TTN: variants seen among roughly 807,000 people sequenced by gnomAD.
TTN encodes the protein connectin.
In TTN, 1,525 loss-of-function variants were observed where a neutral mutation model predicts 3,223.0. The ratio of observed to expected loss-of-function variants is 0.47; its 90% CI spans 0.45 to 0.49. TTN has a LOEUF of 0.49. Among genes scored for constraint, TTN ranks in the 20% least tolerant of loss-of-function variants. The pLI, the probability that TTN is intolerant of heterozygous loss-of-function variation, is 0.00. For synonymous variants in TTN, 14,094 were observed against 15,161.0 expected, an observed-to-expected ratio of 0.93 and a Z score of 5.17; for missense variants, 40,786 against 43,424.0, an observed-to-expected ratio of 0.94 and a Z score of 5.40.
rs370342796 is a variant in TTN, at chr2:178,550,045, G to C, written c.91793C>G (p.Thr30598Arg). Reference protein sequence around the residue: ...DATRDHRGVYTVEAKNASGSA... With the variant: ...DATRDHRGVYRVEAKNASGSA... The stretch of plus-strand genomic sequence containing the variant: ...ACCAGATGCATTTTTGGCTTCCACT[G>C]TGTATACACCACGATGGTCCCGAGT... The change falls in exon 337 of 363, where the codon ACA (threonine) becomes AGA (arginine). Residue 30598 changes from threonine (T) to arginine (R), a missense_variant. By Grantham distance (71) the Thr-to-Arg change is moderately conservative. Coordinates refer to ENST00000589042, the MANE Select transcript of TTN (RefSeq NM_001267550.2). 3.1e-6 allele frequency: 5 copies of C among 1,613,684 alleles called. No homozygotes were observed. Among genetic ancestry groups the C allele is most frequent in the Non-Finnish European group, 4.2e-6 (5 of 1,179,716 alleles).
At position 178,733,925 on chromosome 2, in the gene TTN, C is replaced by A. The variant is rs1450713007; in HGVS notation, c.15497-33G>T. ...AGGAAAGAGAGCATATAAAACATAT[C>A]AATTCCCAAACACTTTCAACACCAT... On this transcript the variant is annotated intron_variant, in intron 52 of 362. Transcript: ENST00000589042. 2.0e-6 allele frequency: 3 copies of A among 1,531,482 alleles called. No homozygotes were observed. The South Asian group carries it at 3.9e-5, about 20-fold the overall frequency. The allele number at this position is 1,531,482 out of a possible 1,614,324, so 94.9% of individuals were successfully genotyped here.
intron 356 of TTN, 132 bp from the exon 357 acceptor site, chr2:178,536,707 G>T: frequency 1.1e-6 from 1 of 899,806 alleles, no homozygotes; most frequent in Non-Finnish European, 1.6e-6. Flanking sequence ...AGATGAAATT[G>T]GTTACTTTAT....
chr2:178,540,332 T>C lies in TTN; in HGVS notation c.97834A>G (p.Thr32612Ala), dbSNP rs1391570506. The C allele has an allele frequency of 1.2e-6, 2 of 1,613,528 alleles. No individual in the cohort carries two copies. The highest frequency in any genetic ancestry group is 1.7e-6 in the Non-Finnish European group (2 of 1,179,628). The change falls in exon 351 of 363, where the codon ACA becomes GCA. Residue 32612 changes from threonine to alanine, a missense_variant. Transcript: ENST00000589042. ...GKPQNPRVTD[T>A]TRTSVSLAWS... is the part of the protein sequence containing the mutation. Reference sequence around the variant, plus strand: ...GCCAGGGAGACTGATGTCCTTGTTGTATCAGTAACTCTTGGGTTTTGTGGC... The same window carrying C: ...GCCAGGGAGACTGATGTCCTTGTTGCATCAGTAACTCTTGGGTTTTGTGGC...
At chr2:178,778,709 C>A in intron 24 of TTN, 165 bp downstream of exon 24, 1 of 944,312 alleles carries the variant, frequency 1.1e-6, no homozygotes, top group South Asian at 1.5e-5. Flanking sequence ...TCATCTTACA[C>A]AGGGGCAAGA....
chr2:178,756,449 G>A lies in TTN; in HGVS notation c.11027C>T (p.Thr3676Met), dbSNP rs1437975298. Residue 3676 changes from threonine to methionine, a missense_variant, in exon 46 of 363, where the codon ACG (threonine) becomes ATG (methionine). By Grantham distance (81) the Thr-to-Met change is moderately conservative. Transcript: ENST00000589042. ...LQDVTVKCGD[T>M]AQFLCVLKDD... ...TTTTAAAACACAGAGGAATTGAGCC[G>A]TGTCACCGCACTTTACAGTGACGTC... 2.5e-5 allele frequency: 41 copies of A among 1,613,666 alleles called. 1 individual carries two copies. Among genetic ancestry groups the A allele is most frequent in the Non-Finnish European group, 2.5e-5 (30 of 1,179,832 alleles).
Position 178,667,233 on chromosome 2 carries a change from T to C in TTN, c.35797+3A>G, listed in dbSNP as rs1234521454. The C allele has an allele frequency of 1.3e-6, 2 of 1,592,936 alleles. No individual in the cohort carries two copies. Among genetic ancestry groups the C allele is most frequent in the African/African-American group, 1.3e-5 (1 of 74,500 alleles). On this transcript the variant is annotated splice_donor_region_variant and intron_variant, in intron 162 of 362. Coordinates refer to ENST00000589042, the MANE Select transcript of TTN (RefSeq NM_001267550.2). ...TTAGATTTTCCTAACTAGAGAATTA[T>C]ACCTTCAGTTGGAGGATGTTCTGGA...
At chr2:178,726,578 C>T (rs1422452329) in intron 69 of TTN, 1 of 150,358 alleles carries the variant, frequency 6.7e-6, no homozygotes, top group Non-Finnish European at 1.5e-5. Context: ...AACACAGATA[C>T]TATTTGTACC....
At position 178,568,214 on chromosome 2, in the gene TTN, T is replaced by A. The variant is rs1481076140; in HGVS notation, c.77918A>T (p.Gln25973Leu). Reference protein sequence around the residue: ...FRIFAENRYGQSFALESDPIV... With the variant: ...FRIFAENRYGLSFALESDPIV... ...TGGATCAGACTCTAAGGCAAAGCTT[T>A]GTCCATATCTGTTTTCGGCAAATAT... The change falls in exon 326 of 363, where the codon CAA (glutamine) becomes CTA (leucine). Residue 25973 changes from glutamine to leucine, a missense_variant. Transcript: ENST00000589042. 2 of 1,613,552 alleles carry A rather than the reference T, an allele frequency of 1.2e-6. No homozygotes were observed. Among genetic ancestry groups the A allele is most frequent in the South Asian group, 2.2e-5 (2 of 91,078 alleles).
Position 178,620,496 on chromosome 2 carries a change from G to T in TTN, c.46025C>A (p.Pro15342His), listed in dbSNP as rs2154211069. 6.2e-7 allele frequency: 1 copy of T among 1,612,386 alleles called. No individual in the cohort carries two copies. The highest frequency in any genetic ancestry group is 8.5e-7 in the Non-Finnish European group (1 of 1,179,004). The change falls in exon 248 of 363, where the codon CCT becomes CAT. Residue 15342 changes from proline to histidine, a missense_variant. By Grantham distance (77) the Pro-to-His change is moderately conservative. Transcript: ENST00000589042. ...TCTGTATGAGACACGGTTGTCAAAA[G>T]GCACTTCTTCACCATTTTTGGTCCA... The part of the protein sequence containing the change: ...LKWTKNGEEV[P>H]FDNRVSYRVD...
chr2:178,591,776 C>G lies in TTN; in HGVS notation c.60043G>C (p.Glu20015Gln). 1.2e-6 allele frequency: 2 copies of G among 1,613,266 alleles called. No homozygotes were observed. Among genetic ancestry groups the G allele is most frequent in the Non-Finnish European group, 1.7e-6 (2 of 1,179,562 alleles). The change falls in exon 303 of 363, where the codon GAA becomes CAA. Residue 20015 changes from glutamate (E) to glutamine (Q), a missense_variant. Glu to Gln is a conservative substitution (Grantham distance 29). Transcript: ENST00000589042. ...GGSPITGYLV[E>Q]YQEEGTQDWI... ...TCCTGGGTGCCTTCTTCTTGATATTCTACCAAATATCCAGTGATTGGAGAA... is the reference window on the plus strand; with the variant it reads ...TCCTGGGTGCCTTCTTCTTGATATTGTACCAAATATCCAGTGATTGGAGAA...
chr2:178,670,367 T>G, intron 156 of TTN, 72 bp from the exon 157 acceptor site: 1 of 856,932 alleles, frequency 1.2e-6, no homozygotes, highest in Non-Finnish European at 1.7e-6. Context: ...GCATGAGAGA[T>G]ATAAACACAG....
In TTN at chr2:178,665,803, T is replaced by G; in HGVS notation, c.35876-12A>C. 1.6e-6 allele frequency: 2 copies of G among 1,254,718 alleles called. No homozygotes were observed. The highest frequency in any genetic ancestry group is 2.0e-6 in the Non-Finnish European group (2 of 992,944). 77.7% of individuals were successfully genotyped at this position (1,254,718 alleles called of 1,614,324 possible). Reference sequence around the variant, plus strand: ...AGGTGATTCAGGCACTTTAAAGATATGAATGCATTGTACTTTGGAGTTATG... The same window carrying G: ...AGGTGATTCAGGCACTTTAAAGATAGGAATGCATTGTACTTTGGAGTTATG... On this transcript the variant is annotated splice_polypyrimidine_tract_variant and intron_variant, in intron 163 of 362. Transcript: ENST00000589042.
At chr2:178,779,735 A>C (rs1449138315) in intron 22 of TTN, 1 of 535,302 alleles carries the variant, frequency 1.9e-6, no homozygotes, top group Non-Finnish European at 3.3e-6. Flanking sequence ...GGCATGAATG[A>C]ACTCAGCTGT....
In TTN at chr2:178,534,936, C is replaced by G. The variant is rs764487443; in HGVS notation, c.101679G>C (p.Glu33893Asp). Residue 33893 changes from glutamate (E) to aspartate (D), a missense_variant, in exon 358 of 363, where the codon GAG becomes GAC. Physicochemically the swap from Glu to Asp is conservative, Grantham distance 45. Transcript: ENST00000589042. ...CAAATATGTCAAGTCCTGATATAAA[C>G]TCAAAGATCATAACTAATTCTTCCA... The part of the protein sequence containing the change: ...ESMEELVMIF[E>D]FISGLDIFER... 6.2e-6 allele frequency: 10 copies of G among 1,611,964 alleles called. No individual in the cohort carries two copies. Among genetic ancestry groups the G allele is most frequent in the Non-Finnish European group, 8.5e-6 (10 of 1,179,762 alleles).
Position 178,730,078 on chromosome 2 carries a change from A to T in TTN, c.18307+15T>A. ...TCTAGACAAGCAAGAAAGTGAGGAG[A>T]TGTAGAGACCAGACCTTTTACAAAG... On this transcript the variant is annotated intron_variant, in intron 62 of 362. Transcript: ENST00000589042. 6.5e-7 allele frequency: 1 copy of T among 1,534,032 alleles called. No homozygotes were observed. The highest frequency in any genetic ancestry group is 8.8e-7 in the Non-Finnish European group (1 of 1,134,760).
intron 41 of TTN, 114 bp downstream of exon 41, chr2:178,766,267 T>A (rs2090394642): frequency 2.3e-6 from 2 of 862,706 alleles, no homozygotes; most frequent in Non-Finnish European, 3.9e-6. Context: ...TGGAACCACA[T>A]GAATACCATA....
rs547641924 is a variant in TTN, at chr2:178,545,350, G to GTCCTCAAAACTAT, written c.95722+37_95722+38insATAGTTTTGAGGA. On this transcript the variant is annotated intron_variant, in intron 344 of 362. Transcript: ENST00000589042. Reference sequence around the variant, plus strand: ...GGAAAATTATCTGTCATATAGTTTTGAGGAGCATTGTATTTATGTATGATT... The same window carrying GTCCTCAAAACTAT: ...GGAAAATTATCTGTCATATAGTTTTGTCCTCAAAACTATAGGAGCATTGTATTTATGTATGATT... 1.4e-4 allele frequency: 204 copies of GTCCTCAAAACTAT among 1,501,146 alleles called. 1 individual carries two copies. In the East Asian group the frequency reaches 4.4e-3, roughly 32 times the overall value. 93.0% of individuals were successfully genotyped at this position (1,501,146 alleles called of 1,614,324 possible). A position where few individuals can be genotyped will look rare whatever the true frequency, so the allele number is the denominator to read the frequency against.
chr2:178,746,871 T>C lies in TTN; in HGVS notation c.11312-4950A>G, dbSNP rs140083526. Reference sequence around the variant, plus strand: ...AAAGATGGAGGCATTTCATTGTCTTTTGGCTCAATGGCTTCATTGGGTGTA... The same window carrying C: ...AAAGATGGAGGCATTTCATTGTCTTCTGGCTCAATGGCTTCATTGGGTGTA... On this transcript the variant is annotated intron_variant, in intron 47 of 362. Transcript: ENST00000589042. 17 of 1,613,422 alleles carry C rather than the reference T, an allele frequency of 1.1e-5. No homozygotes were observed. In the African/African-American group the frequency reaches 2.1e-4, roughly 20 times the overall value.
chr2:178,528,136 G>T, intron 361 of TTN, 138 bp downstream of exon 361: 1 of 971,322 alleles, frequency 1.0e-6, no homozygotes. Flanking sequence ...CTACAAGAAT[G>T]AATTCACATC....
Sources: allele counts gnomAD v4.1 joint callset, GRCh38; gene constraint gnomAD v4.1.1; transcripts MANE v1.5; gene names NCBI Gene and HGNC (gene_info 2026-07-23, HGNC 2026-07-21).